Variants in FNBP1 observed in about 807,000 individuals in gnomAD.
FNBP1 encodes the protein formin-binding protein 1.
A neutral mutation model predicts 90.6 loss-of-function variants in FNBP1; 26 were observed. That is an observed-to-expected ratio of 0.29 (90% CI 0.21 to 0.40). The LOEUF is 0.40. FNBP1 is among the 10% of genes least tolerant of loss of function. The pLI, the probability that FNBP1 is intolerant of heterozygous loss-of-function variation, is 1.00. For synonymous variants in FNBP1, 260 were observed against 265.2 expected (o/e 0.98, Z 0.19); for missense variants, 635 against 768.0 (o/e 0.83, Z 2.05).
chr9:130,024,181 A>G (rs1350145549), intron 1 of FNBP1, among the ~76,000 whole-genome samples: 3 of 152,140 alleles, frequency 2.0e-5, no homozygotes, highest in African/African-American at 7.2e-5. Flanking sequence ...AGGCTGAGGC[A>G]GGAGGATCAC....
At position 129,990,939 on chromosome 9, in the gene FNBP1, T is replaced by G. The variant is rs553116993; in HGVS notation, c.140+3904A>C. On this transcript the variant is annotated intron_variant, in intron 2 of 16. Transcript: ENST00000446176. ...GATGATGATGACACCAGGGTTTTTT[T>G]TTTTTTTTTTTTGAGATGGAGTCTT... Among the ~76,000 whole-genome samples the G allele has an allele frequency of 6.2e-3, 938 of 150,470 alleles. 12 individuals are homozygous for G. Among genetic ancestry groups the G allele is most frequent in the African/African-American group, 0.022 (887 of 40,820 alleles).
chr9:129,899,757 G>C (rs887175628), intron 15 of FNBP1, among the ~76,000 whole-genome samples: 1 of 143,646 alleles, frequency 7.0e-6, no homozygotes, highest in Non-Finnish European at 1.5e-5. Flanking sequence ...AGGAAGGGAA[G>C]GAAGGGAAGG....
At chr9:130,036,821 G>A (rs373953970) in intron 1 of FNBP1, among the ~76,000 whole-genome samples, 19 of 152,002 alleles carry the variant, frequency 1.2e-4, no homozygotes, top group African/African-American at 3.6e-4. Context: ...CGAGGCAGGC[G>A]GATCACAAGG....
intron 4 of FNBP1, among the ~76,000 whole-genome samples, chr9:129,964,210 G>A (rs991195064): frequency 4.6e-5 from 7 of 152,194 alleles, no homozygotes; most frequent in Non-Finnish European, 8.8e-5. Context: ...GTGAGCAAGT[G>A]TGTGTCTAAA....
At chr9:130,019,997 T>C (rs188453628) in intron 1 of FNBP1, among the ~76,000 whole-genome samples, 3 of 152,214 alleles carry the variant, frequency 2.0e-5, no homozygotes, top group Non-Finnish European at 4.4e-5. Context: ...TAGCTGCTGA[T>C]TTGCCTTTTA....
At chr9:129,893,103 G>A (rs2035274969) in intron 16 of FNBP1, among the ~76,000 whole-genome samples, 1 of 152,126 alleles carries the variant, frequency 6.6e-6, no homozygotes, top group African/African-American at 2.4e-5. Context: ...GACTGGAAAT[G>A]AGTTTGTCAT....
intron 1 of FNBP1, among the ~76,000 whole-genome samples, chr9:130,006,496 A>G (rs1241126060): frequency 6.6e-6 from 1 of 151,546 alleles, no homozygotes; most frequent in African/African-American, 2.4e-5. Flanking sequence ...TCTGTCTCAA[A>G]AAGAAACAAA....
At chr9:130,002,146 G>T (rs549726838) in intron 1 of FNBP1, among the ~76,000 whole-genome samples, 18 of 151,882 alleles carry the variant, frequency 1.2e-4, no homozygotes, top group African/African-American at 3.9e-4. Context: ...CCGAGATCGC[G>T]CCATTGCACT....
At chr9:129,899,206 C>A (rs1434603300) in intron 15 of FNBP1, among the ~76,000 whole-genome samples, 1 of 151,538 alleles carries the variant, frequency 6.6e-6, no homozygotes, top group African/African-American at 2.4e-5. Context: ...GCCTCCCGAG[C>A]AGCTGGGATT....
chr9:129,912,690 C>CAAAA (rs35355384), intron 11 of FNBP1, among the ~76,000 whole-genome samples: 16 of 108,202 alleles, frequency 1.5e-4, no homozygotes, highest in Admixed American at 3.2e-4. Context: ...AACTCCATCT[C>CAAAA]AAAAAAAAAA....
chr9:129,941,096 T>A lies in FNBP1; in HGVS notation c.514-11401A>T, dbSNP rs116908360. On this transcript the variant is annotated intron_variant, in intron 6 of 16. Transcript: ENST00000446176. ...ATATCTACAAAGAAATGCTATTAAA[T>A]AGAACGTCAAGGCCGGGTGTGGTGG... is the stretch of plus-strand genomic sequence containing the variant. Among the ~76,000 whole-genome samples, 976 of 152,116 alleles carry A rather than the reference T, an allele frequency of 6.4e-3. 5 individuals are homozygous for A. The highest frequency in any genetic ancestry group is 0.011 in the East Asian group (56 of 5,158).
upstream of FNBP1, among the ~76,000 whole-genome samples, chr9:130,043,845 GT>G (rs1387113398): frequency 6.6e-6 from 1 of 152,242 alleles, no homozygotes; most frequent in African/African-American, 2.4e-5. Context: ...CGCCTAGTGG[GT>G]AAAAGCAAAG....
chr9:129,943,939 G>T (rs938341254), intron 6 of FNBP1, among the ~76,000 whole-genome samples: 7 of 128,364 alleles, frequency 5.5e-5, no homozygotes, highest in African/African-American at 2.1e-4. Flanking sequence ...CTTGCAGTGA[G>T]CCAAGACTGC....
intron 6 of FNBP1, among the ~76,000 whole-genome samples, chr9:129,956,222 C>T (rs76891739): frequency 0.07 from 10,576 of 152,126 alleles, 491 homozygotes; most frequent in Admixed American, 0.12. Flanking sequence ...CTAATATTAA[C>T]GTATACCTAG....
At chr9:129,921,392 G>GT (rs571198524) in intron 10 of FNBP1, among the ~76,000 whole-genome samples, 6,973 of 143,966 alleles carry the variant, frequency 0.048, 184 homozygotes, top group South Asian at 0.11. Context: ...TTTTTCATGG[G>GT]TTTTTTTTTT....
At position 129,890,609 on chromosome 9, in the gene FNBP1, G is replaced by GC. The variant is rs994984196; in HGVS notation, c.1847-64dup. On this transcript the variant is annotated intron_variant, in intron 16 of 16. Coordinates refer to ENST00000446176, the MANE Select transcript of FNBP1 (RefSeq NM_015033.3). This position sits in a 1 kb window ranked among gnomAD's most constrained non-coding sequence, Gnocchi z 5.8. ...TTAGAGAGGAAGGCGCGGGTTCCAG[G>GC]CGGGCATTTTGCTCTTGGCTACAAA... 3 of 1,493,194 alleles carry GC rather than the reference G, an allele frequency of 2.0e-6. No homozygotes were observed. The highest frequency in any genetic ancestry group is 2.7e-6 in the Non-Finnish European group (3 of 1,093,322). 92.5% of individuals were successfully genotyped at this position (1,493,194 alleles called of 1,614,324 possible). A position where few individuals can be genotyped will look rare whatever the true frequency, so the allele number is the denominator to read the frequency against.
At chr9:129,899,777 G>GAGGGA (rs1359774699) in intron 15 of FNBP1, among the ~76,000 whole-genome samples, 188 bp downstream of exon 15, 1 of 140,478 alleles carries the variant, frequency 7.1e-6, no homozygotes, top group African/African-American at 2.7e-5. Flanking sequence ...GAAGGGAAGG[G>GAGGGA]AGGGAAGGGA....
At chr9:129,980,223 G>A (rs1311478694) in intron 2 of FNBP1, among the ~76,000 whole-genome samples, 1 of 151,800 alleles carries the variant, frequency 6.6e-6, no homozygotes, top group Admixed American at 6.6e-5. Flanking sequence ...AGCTGGGCAT[G>A]GTGGCGCATG....
At chr9:129,918,998 CTT>C (rs5900875) in intron 10 of FNBP1, 106 of 153,182 alleles carry the variant, frequency 6.9e-4, no homozygotes, top group South Asian at 2.7e-3. Flanking sequence ...TTAGGCTTTT[CTT>C]TTTTTTTTTT....
Sources: gnomAD v4.1 joint callset for allele counts (sites outside exome capture counted in the v4.1 genomes callset) on GRCh38, gnomAD v4.1.1 for gene constraint, Gnocchi (gnomAD v3.1) non-coding constraint, MANE v1.5 for transcripts, NCBI Gene and HGNC (gene_info 2026-07-23, HGNC 2026-07-21) for gene names.